TMCC1: variants seen among roughly 807,000 people sequenced by gnomAD.
TMCC1 encodes transmembrane and coiled-coil domains protein 1.
TMCC1 carries 15 observed loss-of-function variants against 52.4 expected under a neutral mutation model. That is an observed-to-expected ratio of 0.29 (90% CI 0.19 to 0.44). TMCC1 has a LOEUF of 0.44. Ranked by LOEUF, TMCC1 falls within the 20% of genes least tolerant of loss-of-function variation. TMCC1 has a pLI of 1.00. For missense variants in TMCC1, 503 were observed against 806.0 expected (o/e 0.62, Z 4.55); for synonymous variants, 279 against 301.9 (o/e 0.92, Z 0.79).
chr3:129,893,173 C>T (rs2062055085), intron 1 of TMCC1: 1 of 152,308 alleles, frequency 6.6e-6, no homozygotes, highest in South Asian at 2.1e-4. Flanking sequence ...TCACACGCCC[C>T]TCCCTCACCT....
chr3:129,878,190 C>T lies in TMCC1; in HGVS notation c.-184+2119G>A, dbSNP rs988896575. On this transcript the variant is annotated intron_variant, in intron 2 of 6. Coordinates refer to ENST00000393238, the MANE Select transcript of TMCC1 (RefSeq NM_001017395.5). ...CATTCGCCAGGCTGGTCTTGAACTC[C>T]TGACCTCAGGTGATCTGCCCGCCTC... Among the ~76,000 whole-genome samples, 12 of 147,080 alleles carry T rather than the reference C, an allele frequency of 8.2e-5. No individual in the cohort carries two copies. The Admixed American group carries it at 8.2e-4, about 10-fold the overall frequency.
chr3:129,722,304 G>A (rs767925064), intron 4 of TMCC1, among the ~76,000 whole-genome samples: 2 of 152,272 alleles, frequency 1.3e-5, no homozygotes, highest in Non-Finnish European at 2.9e-5. Context: ...GCTTGCGAGG[G>A]ATCTAGGTTG....
intron 4 of TMCC1, among the ~76,000 whole-genome samples, chr3:129,806,140 G>T (rs954027983): frequency 5.3e-5 from 8 of 152,144 alleles, no homozygotes; most frequent in Non-Finnish European, 1.2e-4. Flanking sequence ...CTGTATCGAA[G>T]CCCCTTGAAG....
At chr3:129,891,112 A>G (rs1256340037) in intron 1 of TMCC1, among the ~76,000 whole-genome samples, 1 of 152,018 alleles carries the variant, frequency 6.6e-6, no homozygotes, top group African/African-American at 2.4e-5. Flanking sequence ...TTTACCAGGA[A>G]AGCGCTACCA....
At chr3:129,729,480 AT>A (rs1303825128) in intron 4 of TMCC1, among the ~76,000 whole-genome samples, 2 of 152,114 alleles carry the variant, frequency 1.3e-5, no homozygotes, top group African/African-American at 2.4e-5. Context: ...AGCTTTGACA[AT>A]TTTTTATATA....
At chr3:129,877,663 CTA>C (rs2061280987) in intron 2 of TMCC1, among the ~76,000 whole-genome samples, 2 of 138,176 alleles carry the variant, frequency 1.4e-5, no homozygotes, top group Admixed American at 7.7e-5. Context: ...GAGTCTCACT[CTA>C]TGACCCAGGC....
intron 1 of TMCC1, among the ~76,000 whole-genome samples, chr3:129,886,013 T>C (rs565670179): frequency 6.6e-6 from 1 of 152,282 alleles, no homozygotes; most frequent in East Asian, 1.9e-4. Flanking sequence ...AGTGCTGGGA[T>C]TACAGGCGTG....
intron 4 of TMCC1, among the ~76,000 whole-genome samples, chr3:129,715,513 T>C (rs2049013595): frequency 6.6e-6 from 1 of 152,176 alleles, no homozygotes; most frequent in South Asian, 2.1e-4. Context: ...CATTGCACTC[T>C]AGCCTGGGCA....
chr3:129,762,054 T>TG (rs1560358745), intron 4 of TMCC1, among the ~76,000 whole-genome samples: 1 of 150,182 alleles, frequency 6.7e-6, no homozygotes. Flanking sequence ...TTTTTTTTTT[T>TG]GAGACAGAGT....
chr3:129,748,391 G>A (rs1460550439), intron 4 of TMCC1, among the ~76,000 whole-genome samples: 2 of 152,122 alleles, frequency 1.3e-5, no homozygotes, highest in Non-Finnish European at 2.9e-5. Context: ...AGGCTCAAGC[G>A]ATTCTCCTGG....
intron 4 of TMCC1, among the ~76,000 whole-genome samples, chr3:129,758,050 A>C (rs1480528132): frequency 6.6e-6 from 1 of 152,184 alleles, no homozygotes; most frequent in Non-Finnish European, 1.5e-5. Flanking sequence ...CTGATATAAC[A>C]TTGGAAAATA....
intron 4 of TMCC1, among the ~76,000 whole-genome samples, chr3:129,803,358 G>A (rs752830657): frequency 6.6e-6 from 1 of 152,094 alleles, no homozygotes; most frequent in Non-Finnish European, 1.5e-5. Context: ...GAGGGTAGAA[G>A]GAAAGGAAGA....
chr3:129,716,216 G>A (rs534438577), intron 4 of TMCC1, among the ~76,000 whole-genome samples: 151 of 29,626 alleles, frequency 5.1e-3, no homozygotes, highest in African/African-American at 5.8e-3. Context: ...AGGTTGGAGT[G>A]CAATGGCACA....
At chr3:129,682,146 G>A (rs1380145154) in intron 4 of TMCC1, among the ~76,000 whole-genome samples, 1 of 151,738 alleles carries the variant, frequency 6.6e-6, no homozygotes, top group Non-Finnish European at 1.5e-5. Context: ...TTAGAGATAG[G>A]GTCTTGCTAT....
intron 4 of TMCC1, among the ~76,000 whole-genome samples, chr3:129,687,056 G>C (rs1268603027): frequency 6.6e-6 from 1 of 152,196 alleles, no homozygotes; most frequent in Non-Finnish European, 1.5e-5. Flanking sequence ...AGGAACAGAA[G>C]GATGCTGAGA....
At chr3:129,745,181 T>C (rs2051819034) in intron 4 of TMCC1, among the ~76,000 whole-genome samples, 1 of 152,236 alleles carries the variant, frequency 6.6e-6, no homozygotes, top group Non-Finnish European at 1.5e-5. Context: ...GGAAGATTTT[T>C]ATTCAAAAGT....
At chr3:129,770,201 C>A (rs183543040) in intron 4 of TMCC1, among the ~76,000 whole-genome samples, 1 of 152,092 alleles carries the variant, frequency 6.6e-6, no homozygotes, top group Non-Finnish European at 1.5e-5. Context: ...TCTAACTATA[C>A]GTATTTATTG....
At chr3:129,723,630 G>A (rs1342140194) in intron 4 of TMCC1, among the ~76,000 whole-genome samples, 1 of 152,036 alleles carries the variant, frequency 6.6e-6, no homozygotes, top group African/African-American at 2.4e-5. Context: ...ACAAGAGACG[G>A]GACACTCCAG....
chr3:129,812,856 C>A (rs111907737), intron 4 of TMCC1, among the ~76,000 whole-genome samples: 1 of 152,016 alleles, frequency 6.6e-6, no homozygotes, highest in Admixed American at 6.6e-5. Context: ...TTCTGCACAA[C>A]AGAAGAAACT....
Sources: gnomAD v4.1 joint callset for allele counts (sites outside exome capture counted in the v4.1 genomes callset) on GRCh38, gnomAD v4.1.1 for gene constraint, MANE v1.5 for transcripts, NCBI Gene and HGNC (gene_info 2026-07-23, HGNC 2026-07-21) for gene names.